OXR1: variants seen among roughly 807,000 people sequenced by gnomAD.
The protein encoded by OXR1 is oxidation resistance protein 1.
Under a neutral mutation model 104.6 loss-of-function variants are expected in OXR1, and 41 were observed. That is an observed-to-expected ratio of 0.39 (90% CI 0.31 to 0.51). The LOEUF (loss-of-function observed/expected upper bound fraction) is 0.51, where lower values mean the gene tolerates loss of function less well. Among genes scored for constraint, OXR1 ranks in the 20% least tolerant of loss-of-function variants. OXR1 has a pLI of 0.77. For synonymous variants in OXR1, 348 were observed against 348.4 expected, an observed-to-expected ratio of 1.00 and a Z score of 0.01; for missense variants, 955 against 1,031.9, an observed-to-expected ratio of 0.93 and a Z score of 1.02.
chr8:106,413,147 A>ATT (rs1207425902), intron 2 of OXR1, among the ~76,000 whole-genome samples: 8,515 of 151,594 alleles, frequency 0.056, 846 homozygotes, highest in African/African-American at 0.2. Flanking sequence ...AGAAAAAAAA[A>ATT]ATATATATAG....
intron 1 of OXR1, among the ~76,000 whole-genome samples, chr8:106,304,519 T>G (rs1419883895): frequency 6.6e-6 from 1 of 152,148 alleles, no homozygotes; most frequent in Non-Finnish European, 1.5e-5. Flanking sequence ...AATTTTAAAT[T>G]TTCTAGTAGC....
intron 2 of OXR1, among the ~76,000 whole-genome samples, chr8:106,489,769 A>G (rs1810952852): frequency 6.6e-6 from 1 of 152,072 alleles, no homozygotes; most frequent in Non-Finnish European, 1.5e-5. Context: ...TGTTGGCTTG[A>G]GTTTTGTGGG....
chr8:106,623,302 G>A (rs1821874788), intron 3 of OXR1, among the ~76,000 whole-genome samples: 1 of 151,632 alleles, frequency 6.6e-6, no homozygotes, highest in Non-Finnish European at 1.5e-5. Flanking sequence ...TTTAAAAATA[G>A]AAAATATATG....
chr8:106,570,374 C>T (rs1157487334), intron 3 of OXR1, among the ~76,000 whole-genome samples: 3 of 152,060 alleles, frequency 2.0e-5, no homozygotes, highest in Admixed American at 2.0e-4. Flanking sequence ...ATGATGATTA[C>T]CAAGAGCTTT....
At chr8:106,415,103 A>T (rs894956333) in intron 2 of OXR1, among the ~76,000 whole-genome samples, 5 of 152,070 alleles carry the variant, frequency 3.3e-5, no homozygotes, top group African/African-American at 1.2e-4. Context: ...GACAGGTGAC[A>T]TGTCTTTTTG....
chr8:106,727,616 C>T (rs751411937), intron 11 of OXR1, among the ~76,000 whole-genome samples: 6 of 152,034 alleles, frequency 3.9e-5, no homozygotes, highest in Admixed American at 1.3e-4. Flanking sequence ...GACTAGGTTT[C>T]GCCTTGTTGC....
intron 11 of OXR1, among the ~76,000 whole-genome samples, chr8:106,736,387 T>C (rs73294478): frequency 6.6e-6 from 1 of 152,236 alleles, no homozygotes; most frequent in African/African-American, 2.4e-5. Context: ...TAATGTTTAC[T>C]GGTAGCCAGT....
chr8:106,695,530 G>T (rs1006340327), intron 7 of OXR1, among the ~76,000 whole-genome samples: 2 of 151,102 alleles, frequency 1.3e-5, no homozygotes, highest in Admixed American at 1.3e-4. Flanking sequence ...CAATTCTCCT[G>T]CCTCAGCCTC....
intron 11 of OXR1, among the ~76,000 whole-genome samples, chr8:106,714,267 A>G (rs1313945913): frequency 2.6e-5 from 4 of 152,062 alleles, no homozygotes; most frequent in African/African-American, 9.6e-5. Context: ...AAAGATTAAC[A>G]TTATGGCAAA....
intron 1 of OXR1, among the ~76,000 whole-genome samples, chr8:106,321,771 A>G (rs946350017): frequency 6.6e-6 from 1 of 152,196 alleles, no homozygotes; most frequent in African/African-American, 2.4e-5. Flanking sequence ...TTAATGATAG[A>G]GTTGTAAAAC....
intron 1 of OXR1, among the ~76,000 whole-genome samples, chr8:106,344,120 C>T (rs573101386): frequency 3.3e-5 from 5 of 152,252 alleles, no homozygotes; most frequent in Non-Finnish European, 5.9e-5. Flanking sequence ...TCCACAGCAC[C>T]AGATGACTTT....
rs1350630603 is a variant in OXR1 at position 106,688,662 on chromosome 8, T to C, written c.526-4066T>C. On this transcript the variant is annotated intron_variant, in intron 6 of 16. Transcript: ENST00000517566. ...CACTTTAATAACATTTTAATTACTT[T>C]AGACTTTTAATTAATCTTTAACCCC... Among the ~76,000 whole-genome samples the C allele has an allele frequency of 4.6e-5, 7 of 152,152 alleles. No homozygotes were observed. In the East Asian group the frequency reaches 1.2e-3, roughly 25 times the overall value.
intron 2 of OXR1, among the ~76,000 whole-genome samples, chr8:106,479,516 A>C (rs1019617335): frequency 6.6e-6 from 1 of 151,990 alleles, no homozygotes; most frequent in Non-Finnish European, 1.5e-5. Flanking sequence ...TCCAGAGAGC[A>C]CTATTGCATC....
At chr8:106,619,454 A>G (rs1209547905) in intron 3 of OXR1, among the ~76,000 whole-genome samples, 1 of 152,230 alleles carries the variant, frequency 6.6e-6, no homozygotes, top group Non-Finnish European at 1.5e-5. Context: ...CATAATTTAT[A>G]CAAAATTATC....
intron 12 of OXR1, among the ~76,000 whole-genome samples, chr8:106,738,854 A>G (rs922849117): frequency 7.2e-5 from 11 of 152,028 alleles, no homozygotes; most frequent in Non-Finnish European, 8.8e-5. Context: ...GTTTGGTCCA[A>G]GTAGATGAAA....
intron 3 of OXR1, among the ~76,000 whole-genome samples, chr8:106,520,846 C>A (rs1563577450): frequency 6.6e-6 from 1 of 152,130 alleles, no homozygotes; most frequent in African/African-American, 2.4e-5. Flanking sequence ...CCTACAAACT[C>A]AATGTTCCTT....
At chr8:106,676,514 C>T (rs1438737990) in intron 3 of OXR1, among the ~76,000 whole-genome samples, 1 of 152,030 alleles carries the variant, frequency 6.6e-6, no homozygotes, top group Non-Finnish European at 1.5e-5. Context: ...TTGGCATTTG[C>T]TCTTATGGAA....
intron 3 of OXR1, among the ~76,000 whole-genome samples, chr8:106,585,025 A>G (rs2130654805): frequency 6.6e-6 from 1 of 152,290 alleles, no homozygotes; most frequent in East Asian, 1.9e-4. Flanking sequence ...GAGACAAAAC[A>G]TAATTTAAAT....
intron 7 of OXR1, among the ~76,000 whole-genome samples, chr8:106,693,592 G>T (rs1829534514): frequency 6.6e-6 from 1 of 151,896 alleles, no homozygotes; most frequent in Admixed American, 6.6e-5. Context: ...ACCACATCTG[G>T]CTAACTTTTT....
Sources: gnomAD v4.1 joint callset for allele counts (sites outside exome capture counted in the v4.1 genomes callset) on GRCh38, gnomAD v4.1.1 for gene constraint, MANE v1.5 for transcripts, NCBI Gene and HGNC (gene_info 2026-07-23, HGNC 2026-07-21) for gene names.